The following ELOA variants were observed in gnomAD, a reference collection of about 807,000 sequenced individuals.
ELOA encodes elongin-A.
A neutral mutation model predicts 85.2 loss-of-function variants in ELOA; 15 were observed. The ratio of observed to expected loss-of-function variants is 0.18; its 90% CI spans 0.12 to 0.27. The LOEUF (loss-of-function observed/expected upper bound fraction) is 0.27, where lower values mean the gene tolerates loss of function less well. Among genes scored for constraint, ELOA ranks in the 10% least tolerant of loss-of-function variants. ELOA has a pLI of 1.00. For synonymous variants in ELOA, 348 were observed against 357.2 expected, an observed-to-expected ratio of 0.97 and a Z score of 0.29; for missense variants, 769 against 952.7, an observed-to-expected ratio of 0.81 and a Z score of 2.54.
rs1271065970 is a variant in ELOA at position 23,761,752 on chromosome 1, C to G, written c.*2179C>G. On this transcript the variant is annotated 3_prime_UTR_variant, in exon 11 of 11. Coordinates refer to ENST00000613537, the MANE Select transcript of ELOA (RefSeq NM_003198.3). ...AACCTGACACAGGATGAATTTGAAC[C>G]TTTGGTCTCATTTATGGAAAAACTT... The G allele has an allele frequency of 1.3e-5, 2 of 152,142 alleles. No homozygotes were observed. Among genetic ancestry groups the G allele is most frequent in the Admixed American group, 6.6e-5 (1 of 15,262 alleles). The allele number at this position is 152,142 out of a possible 1,614,324, so 9.4% of individuals were successfully genotyped here. A position where few individuals can be genotyped will look rare whatever the true frequency, so the allele number is the denominator to read the frequency against.
chr1:23,754,460 T>A lies in ELOA; in HGVS notation c.1791T>A (p.His597Gln), dbSNP rs1274310611. 1 of 1,613,584 alleles carries A rather than the reference T, an allele frequency of 6.2e-7. No homozygotes were observed. Residue 597 changes from histidine to glutamine, a missense_variant and splice_region_variant, in exon 7 of 11, where the codon CAT becomes CAA. This residue lies in a region of ELOA where 193 missense variants were observed against 278.9 expected (regional missense o/e 0.69). Coordinates refer to ENST00000613537, the MANE Select transcript of ELOA (RefSeq NM_003198.3). ...DQLYRIEEYN[H>Q]VLIEETDQLW... is the part of the protein sequence containing the mutation. ...TGTATCGCATAGAGGAATACAATCA[T>A]GTGAGTATTCTGTTTGGGTGGGAAG...
At chr1:23,756,863 A>C in intron 9 of ELOA, 90 bp from the exon 10 acceptor site, 1 of 1,310,702 alleles carries the variant, frequency 7.6e-7, no homozygotes, top group Non-Finnish European at 1.0e-6. Context: ...AAACAGGGTG[A>C]GTCATCCTCA....
At chr1:23,750,026 C>CT in intron 3 of ELOA, 78 bp downstream of exon 3, 1 of 1,177,796 alleles carries the variant, frequency 8.5e-7, no homozygotes, top group South Asian at 1.7e-5. Context: ...TATTATTTCT[C>CT]TTTTGCCTTC....
chr1:23,751,615 A>G lies in ELOA; in HGVS notation c.1010A>G (p.Lys337Arg), dbSNP rs1481768868. ...KPKHRDPEKA[K>R]LDKSKQGLDS... ...AAGCACAGAGACCCAGAGAAAGCCA[A>G]ATTGGACAAAAGCAAGCAAGGTCTG... Residue 337 changes from lysine (K) to arginine (R), a missense_variant, in exon 4 of 11, where the codon AAA (lysine) becomes AGA (arginine). Transcript: ENST00000613537. The G allele has an allele frequency of 6.2e-7, 1 of 1,614,224 alleles. No individual in the cohort carries two copies. Among genetic ancestry groups the G allele is most frequent in the Non-Finnish European group, 8.5e-7 (1 of 1,180,046 alleles).
chr1:23,757,672 C>G lies in ELOA; in HGVS notation c.2257+547C>G, dbSNP rs552037217. Among the ~76,000 whole-genome samples the G allele has an allele frequency of 7.5e-4, 114 of 152,144 alleles. 2 individuals are homozygous for G. The East Asian group carries it at 9.7e-3, about 13-fold the overall frequency. On this transcript the variant is annotated intron_variant, in intron 10 of 10. Coordinates refer to ENST00000613537, the MANE Select transcript of ELOA (RefSeq NM_003198.3). ...CACCACCATGCCCACCTAATTTTTT[C>G]TATTTTTTAGTAGAGACGGGGTTTC...
chr1:23,744,459 CT>C (rs1401383065), intron 1 of ELOA, among the ~76,000 whole-genome samples: 88 of 138,468 alleles, frequency 6.4e-4, no homozygotes, highest in Non-Finnish European at 6.5e-4. Flanking sequence ...TTTTTTTTTT[CT>C]TTTTTTTTTT....
At chr1:23,750,111 A>G (rs1644762361) in intron 3 of ELOA, among the ~76,000 whole-genome samples, 163 bp downstream of exon 3, 1 of 151,946 alleles carries the variant, frequency 6.6e-6, no homozygotes, top group African/African-American at 2.4e-5. Context: ...AAAAATAGAA[A>G]TCAAAATTTC....
intron 3 of ELOA, among the ~76,000 whole-genome samples, chr1:23,750,189 T>TTG: frequency 7.0e-6 from 1 of 143,582 alleles, no homozygotes; most frequent in African/African-American, 2.6e-5. Flanking sequence ...TTTTTTTTTT[T>TTG]TTTTGAGACA....
At position 23,752,397 on chromosome 1, in the gene ELOA, T is replaced by C. The variant is rs1244571689; in HGVS notation, c.1426-10T>C. The C allele has an allele frequency of 6.2e-7, 1 of 1,613,208 alleles. No homozygotes were observed. ...CACTGACTCTCCACCCATGGGTCTG[T>C]CCCCTGCAGGTGCCTGATGTGTTGC... On this transcript the variant is annotated splice_polypyrimidine_tract_variant and intron_variant, in intron 4 of 10. Coordinates refer to ENST00000613537, the MANE Select transcript of ELOA (RefSeq NM_003198.3).
At chr1:23,750,770 A>C in intron 3 of ELOA, 75 bp from the exon 4 acceptor site, 1 of 1,368,520 alleles carries the variant, frequency 7.3e-7, no homozygotes, top group South Asian at 1.6e-5. Flanking sequence ...TTCTTTGGTG[A>C]GTTCAGATTC....
rs377449904 is a variant in ELOA, at chr1:23,751,891, C to T, written c.1286C>T (p.Thr429Met). The T allele has an allele frequency of 1.6e-5, 26 of 1,613,798 alleles. No individual in the cohort carries two copies. In the African/African-American group the frequency reaches 1.7e-4, roughly 11 times the overall value. ...KKKKIVKTSA[T>M]ALGDKGLKKN... Reference sequence around the variant, plus strand: ...AAAAAGATTGTGAAAACTTCAGCCACGGCACTTGGAGATAAAGGACTTAAA... The same window carrying T: ...AAAAAGATTGTGAAAACTTCAGCCATGGCACTTGGAGATAAAGGACTTAAA... The change falls in exon 4 of 11, where the codon ACG becomes ATG. Residue 429 changes from threonine to methionine, a missense_variant. Transcript: ENST00000613537.
intron 5 of ELOA, 87 bp from the exon 6 acceptor site, chr1:23,754,013 G>A: frequency 6.7e-7 from 1 of 1,501,474 alleles, no homozygotes; most frequent in Non-Finnish European, 9.0e-7. Context: ...GATTGCCATT[G>A]GGAAAGGGAA....
chr1:23,751,815 A>C lies in ELOA; in HGVS notation c.1210A>C (p.Thr404Pro). Residue 404 changes from threonine (T) to proline (P), a missense_variant, in exon 4 of 11, where the codon ACC becomes CCC. By Grantham distance (38) the Thr-to-Pro change is conservative. Around this residue, in one of 4 missense-constraint regions of ELOA, gnomAD observed 193 missense variants for 278.9 expected, o/e 0.69. Transcript: ENST00000613537. The part of the protein sequence containing the change: ...TDMEDEFEQP[T>P]MSFESYLSYD... ...TATGGAGGATGAATTCGAGCAGCCA[A>C]CCATGTCTTTTGAATCCTACCTCAG... 6.2e-7 allele frequency: 1 copy of C among 1,614,226 alleles called. No individual in the cohort carries two copies. Among genetic ancestry groups the C allele is most frequent in the Non-Finnish European group, 8.5e-7 (1 of 1,180,046 alleles).
intron 1 of ELOA, 43 bp from the exon 2 acceptor site, chr1:23,748,978 A>T: frequency 6.6e-7 from 1 of 1,517,200 alleles, no homozygotes; most frequent in Non-Finnish European, 9.1e-7. Context: ...TATTCTTGTT[A>T]AAGTGAATTT....
In ELOA at chr1:23,754,273, C is replaced by G. The variant is rs751145391; in HGVS notation, c.1693+18C>G. 11 of 1,614,148 alleles carry G rather than the reference C, an allele frequency of 6.8e-6. No homozygotes were observed. The East Asian group carries it at 1.8e-4, about 26-fold the overall frequency. The stretch of plus-strand genomic sequence containing the variant: ...CATCGATTGTAAGTCACACGCTTCT[C>G]TCTAGCTCTCAAGCACATTGTAGCA... On this transcript the variant is annotated intron_variant, in intron 6 of 10. Coordinates refer to ENST00000613537, the MANE Select transcript of ELOA (RefSeq NM_003198.3).
At position 23,749,889 on chromosome 1, in the gene ELOA, T is replaced by C; in HGVS notation, c.180T>C (p.His60=). ...KTVNSLRKHE[H]VGSFARDLVA... ...TAAATAGCTTGCGAAAACACGAGCA[T>C]GTTGGAAGCTTTGCCAGGGACCTAG... is the stretch of plus-strand genomic sequence containing the variant. Residue 60 remains histidine (H), a synonymous_variant, in exon 3 of 11, where the codon CAT becomes CAC. Transcript: ENST00000613537. 1.2e-6 allele frequency: 2 copies of C among 1,613,966 alleles called. No homozygotes were observed. Among genetic ancestry groups the C allele is most frequent in the Non-Finnish European group, 1.7e-6 (2 of 1,179,898 alleles).
At chr1:23,758,274 T>TTTTTTA (rs2148389234) in intron 10 of ELOA, among the ~76,000 whole-genome samples, 1 of 102,766 alleles carries the variant, frequency 9.7e-6, no homozygotes, top group East Asian at 2.9e-4. Context: ...TTTTTTTTTT[T>TTTTTTA]TTTTTTTTTT....
At chr1:23,755,734 T>A in intron 7 of ELOA, 109 bp from the exon 8 acceptor site, 1 of 1,113,596 alleles carries the variant, frequency 9.0e-7, no homozygotes, top group Non-Finnish European at 1.2e-6. Context: ...GAACCAAAAT[T>A]GCACCACTGC....
chr1:23,745,811 A>AC (rs1164834264), intron 1 of ELOA, among the ~76,000 whole-genome samples: 1 of 152,190 alleles, frequency 6.6e-6, no homozygotes, highest in Admixed American at 6.5e-5. Flanking sequence ...TTGCTTTCAA[A>AC]CCATTATTAG....
Sources: allele counts gnomAD v4.1 joint callset (sites outside exome capture counted in the v4.1 genomes callset), GRCh38; gene constraint gnomAD v4.1.1; regional missense constraint gnomAD v4.1.1; transcripts MANE v1.5; gene names NCBI Gene and HGNC (gene_info 2026-07-23, HGNC 2026-07-21).